Variants in CIART observed in about 807,000 individuals in gnomAD.
CIART encodes the protein circadian-associated transcriptional repressor.
Under a neutral mutation model 22.1 loss-of-function variants are expected in CIART, and 7 were observed. That is an observed-to-expected ratio of 0.32 (90% CI 0.18 to 0.59). The LOEUF (loss-of-function observed/expected upper bound fraction) is 0.59, where lower values mean the gene tolerates loss of function less well. Among genes scored for constraint, CIART ranks in the 20% least tolerant of loss-of-function variants. CIART has a pLI of 0.86. For missense variants in CIART, 440 were observed against 478.0 expected (o/e 0.92, Z 0.74); for synonymous variants, 163 against 174.6 (o/e 0.93, Z 0.53).
At position 150,286,651 on chromosome 1, in the gene CIART, C is replaced by T. The variant is rs782142862; in HGVS notation, c.855C>T (p.Gly285=). ...GTISFSHGPL[G]TGTGIGVILF... ...TCTCCTTTAGCCATGGTCCTTTAGG[C>T]ACTGGAACCGGCATTGGCGTCATTC... Residue 285 remains glycine, a synonymous_variant, in exon 5 of 5, where the codon GGC becomes GGT. Transcript: ENST00000290363. 1.9e-6 allele frequency: 3 copies of T among 1,613,988 alleles called. No individual in the cohort carries two copies. The highest frequency in any genetic ancestry group is 1.7e-6 in the Non-Finnish European group (2 of 1,179,856).
At chr1:150,286,046 T>C (rs2101893898) in intron 4 of CIART, among the ~76,000 whole-genome samples, 1 of 152,294 alleles carries the variant, frequency 6.6e-6, no homozygotes, top group African/African-American at 2.4e-5. Flanking sequence ...GAACTCAAGA[T>C]AGAATATTCG....
intron 4 of CIART, chr1:150,285,668 G>A (rs1014081510): frequency 6.6e-6 from 1 of 152,196 alleles, no homozygotes; most frequent in African/African-American, 2.4e-5. Context: ...GGTTATTATT[G>A]CTGTGACTAA....
At chr1:150,284,565 G>C (rs782299796) in intron 3 of CIART, 32 bp from the exon 4 acceptor site, 1 of 1,597,076 alleles carries the variant, frequency 6.3e-7, no homozygotes, top group East Asian at 2.2e-5. Context: ...CAATCCTGTT[G>C]CTGGTTTTTT....
chr1:150,286,496 C>G lies in CIART; in HGVS notation c.700C>G (p.Gln234Glu). The G allele has an allele frequency of 5.7e-6, 9 of 1,586,566 alleles. No homozygotes were observed. The highest frequency in any genetic ancestry group is 7.8e-6 in the Non-Finnish European group (9 of 1,155,200). The change falls in exon 5 of 5, where the codon CAG becomes GAG. Residue 234 changes from glutamine (Q) to glutamate (E), a missense_variant. Transcript: ENST00000290363. ...TGCATCTCCTATGGAAAAGATGGAC[C>G]AGACACAGCTAGGACATCTAGCTTT... ...SPASPMEKMD[Q>E]TQLGHLALKP...
In CIART at chr1:150,283,326, C is replaced by G. The variant is rs1653261911; in HGVS notation, c.59C>G (p.Pro20Arg). 6.5e-7 allele frequency: 1 copy of G among 1,547,630 alleles called. No homozygotes were observed. Residue 20 changes from proline (P) to arginine (R), a missense_variant, in exon 1 of 5, where the codon CCC becomes CGC. Coordinates refer to ENST00000290363, the MANE Select transcript of CIART (RefSeq NM_144697.4). ...TCCTACTCTCTCTCTTCGTCTTTTCCCACCTCCCCAGTGAACAGTGACTTT... is the reference window on the plus strand; with the variant it reads ...TCCTACTCTCTCTCTTCGTCTTTTCGCACCTCCCCAGTGAACAGTGACTTT... ...YSSYSLSSSF[P>R]TSPVNSDFGF...
intron 4 of CIART, chr1:150,285,523 C>T (rs1815302): frequency 0.17 from 20,382 of 119,946 alleles, 1,787 homozygotes; most frequent in Non-Finnish European, 0.21. Flanking sequence ...GAGACAAGAG[C>T]GAAACTCCAT....
In CIART at chr1:150,284,466, C is replaced by T; in HGVS notation, c.483C>T (p.Ile161=). ...AGCAGAGTGTGGCAATGGACAGGAT[C>T]CAGCGTATTGTAGGTGTTTTGCAGA... ...SFQQSVAMDR[I]QRIVGVLQKP... Residue 161 remains isoleucine, a synonymous_variant, in exon 3 of 5, where the codon ATC becomes ATT. Coordinates refer to ENST00000290363, the MANE Select transcript of CIART (RefSeq NM_144697.4). 1 of 1,613,122 alleles carries T rather than the reference C, an allele frequency of 6.2e-7. No homozygotes were observed. Among genetic ancestry groups the T allele is most frequent in the Non-Finnish European group, 8.5e-7 (1 of 1,179,064 alleles).
Position 150,286,756 on chromosome 1 carries a change from C to A in CIART, c.960C>A (p.Val320=), listed in dbSNP as rs1253204367. The A allele has an allele frequency of 6.2e-7, 1 of 1,612,878 alleles. No homozygotes were observed. The highest frequency in any genetic ancestry group is 8.5e-7 in the Non-Finnish European group (1 of 1,178,954). Residue 320 remains valine (V), a synonymous_variant, in exon 5 of 5, where the codon GTC becomes GTA. Coordinates refer to ENST00000290363, the MANE Select transcript of CIART (RefSeq NM_144697.4). ...TCCCACCTACTACAGCATCTCCTGTCATCCCTGGTGAGCCTATGAAACTAT... is the reference window on the plus strand; with the variant it reads ...TCCCACCTACTACAGCATCTCCTGTAATCCCTGGTGAGCCTATGAAACTAT... ...TPVPPTTASP[V]IPGEPMKLSG... is the part of the protein sequence containing the mutation.
At chr1:150,284,740 G>T in intron 4 of CIART, 32 bp downstream of exon 4, 1 of 1,504,224 alleles carries the variant, frequency 6.6e-7, no homozygotes, top group South Asian at 1.2e-5. Context: ...GAAGAGGTGG[G>T]AAAATAGCCA....
In CIART at chr1:150,283,890, T is replaced by C. The variant is rs587726852; in HGVS notation, c.442+10T>C. On this transcript the variant is annotated intron_variant, in intron 2 of 4. Coordinates refer to ENST00000290363, the MANE Select transcript of CIART (RefSeq NM_144697.4). ...GGTCGTTTTGAGAGAGGTAATCTTA[T>C]TGTTGCATTCATTTGGGCTAGGTTC... The C allele has an allele frequency of 4.1e-5, 64 of 1,545,864 alleles. No individual in the cohort carries two copies. The highest frequency in any genetic ancestry group is 3.5e-4 in the South Asian group (31 of 89,158).
At chr1:150,284,003 TTTATTATTATTATTATTA>T in intron 2 of CIART, 123 bp downstream of exon 2, 4 of 489,718 alleles carry the variant, frequency 8.2e-6, no homozygotes, top group Non-Finnish European at 1.4e-5. Context: ...CTACTATGAC[TTTATTATTATTATTATTA>T]TTATTATTAT....
At chr1:150,285,116 AACCCTT>A in intron 4 of CIART, 1 of 234,648 alleles carries the variant, frequency 4.3e-6, no homozygotes, top group Non-Finnish European at 8.4e-6. Flanking sequence ...CCTTGTGCCA[AACCCTT>A]TGACAGTTTT....
At chr1:150,284,005 T>TATTATG in intron 2 of CIART, 125 bp downstream of exon 2, 1 of 336,066 alleles carries the variant, frequency 3.0e-6, no homozygotes, top group East Asian at 6.3e-5. Flanking sequence ...ACTATGACTT[T>TATTATG]ATTATTATTA....
Position 150,286,698 on chromosome 1 carries a change from A to C in CIART, c.902A>C (p.Gln301Pro). 6.2e-7 allele frequency: 1 copy of C among 1,614,050 alleles called. No homozygotes were observed. The change falls in exon 5 of 5, where the codon CAA becomes CCA. Residue 301 changes from glutamine (Q) to proline (P), a missense_variant. By Grantham distance (76) the Gln-to-Pro change is moderately conservative. Transcript: ENST00000290363. The stretch of plus-strand genomic sequence containing the variant: ...ATTCTTTTCCTCCAGCATGGAGTGC[A>C]ACCCTTCACCCACTCTGCCCCAACC... ...GVILFLQHGV[Q>P]PFTHSAPTTP...
Position 150,283,355 on chromosome 1 carries a change from T to G in CIART, c.88T>G (p.Phe30Val), listed in dbSNP as rs1553853904. The change falls in exon 1 of 5, where the codon TTC becomes GTC. Residue 30 changes from phenylalanine to valine, a missense_variant. By Grantham distance (50) the Phe-to-Val change is conservative. Coordinates refer to ENST00000290363, the MANE Select transcript of CIART (RefSeq NM_144697.4). ...PTSPVNSDFGFPSDSEREDKG... is the reference protein window; with the variant it reads ...PTSPVNSDFGVPSDSEREDKG... ...CTCCCCAGTGAACAGTGACTTTGGCTTCCCCTCTGATAGTGAGAGGGAGGA... is the reference window on the plus strand; with the variant it reads ...CTCCCCAGTGAACAGTGACTTTGGCGTCCCCTCTGATAGTGAGAGGGAGGA... 1 of 1,583,132 alleles carries G rather than the reference T, an allele frequency of 6.3e-7. No homozygotes were observed. Among genetic ancestry groups the G allele is most frequent in the South Asian group, 1.1e-5 (1 of 87,152 alleles).
rs41273231 is a variant in CIART, at chr1:150,283,046, T to A, written c.-222T>A. The stretch of plus-strand genomic sequence containing the variant: ...CAGAGAGGGAATCCCAAGCTCTTAA[T>A]GGGCGGGGGTGGGGGTAGAAATGTC... On this transcript the variant is annotated 5_prime_UTR_variant, in exon 1 of 5. An upstream start codon of the reference 5' UTR is lost. Coordinates refer to ENST00000290363, the MANE Select transcript of CIART (RefSeq NM_144697.4). 365 of 242,172 alleles carry A rather than the reference T, an allele frequency of 1.5e-3. 3 individuals are homozygous for A. The highest frequency in any genetic ancestry group is 2.1e-3 in the Non-Finnish European group (322 of 151,828). 15.0% of individuals were successfully genotyped at this position (242,172 alleles called of 1,614,324 possible). A position where few individuals can be genotyped will look rare whatever the true frequency, so the allele number is the denominator to read the frequency against.
chr1:150,284,583 C>T lies in CIART; in HGVS notation c.522-14C>T, dbSNP rs781839112. 270 of 1,604,846 alleles carry T rather than the reference C, an allele frequency of 1.7e-4. 1 individual carries two copies. The Admixed American group carries it at 3.7e-3, about 22-fold the overall frequency. On this transcript the variant is annotated splice_polypyrimidine_tract_variant and intron_variant, in intron 3 of 4. Transcript: ENST00000290363. Reference sequence around the variant, plus strand: ...TCCTGTTGCTGGTTTTTTAAAGCAACGTCATTTTCACAGGGAACGTTACCT... The same window carrying T: ...TCCTGTTGCTGGTTTTTTAAAGCAATGTCATTTTCACAGGGAACGTTACCT...
In CIART at chr1:150,283,448, C is replaced by T. The variant is rs1439159161; in HGVS notation, c.181C>T (p.Pro61Ser). 6 of 1,614,090 alleles carry T rather than the reference C, an allele frequency of 3.7e-6. No individual in the cohort carries two copies. The highest frequency in any genetic ancestry group is 5.1e-6 in the Non-Finnish European group (6 of 1,180,052). ...GGGAGGTTCACGGCCCAGCCCGGGTCCTATCCGCTGCAGGCATCGATCGAA... is the reference window on the plus strand; with the variant it reads ...GGGAGGTTCACGGCCCAGCCCGGGTTCTATCCGCTGCAGGCATCGATCGAA... The part of the protein sequence containing the change: ...QRGGSRPSPG[P>S]IRCRHRSKVS... Residue 61 changes from proline to serine, a missense_variant, in exon 1 of 5, where the codon CCT (proline) becomes TCT (serine). Pro to Ser is a moderately conservative substitution (Grantham distance 74). Coordinates refer to ENST00000290363, the MANE Select transcript of CIART (RefSeq NM_144697.4).
In CIART at chr1:150,283,434, G is replaced by C; in HGVS notation, c.167G>C (p.Arg56Pro). 1 of 1,614,198 alleles carries C rather than the reference G, an allele frequency of 6.2e-7. No homozygotes were observed. Among genetic ancestry groups the C allele is most frequent in the Non-Finnish European group, 8.5e-7 (1 of 1,180,032 alleles). ...PDTVGQRGGS[R>P]PSPGPIRCRH... is the part of the protein sequence containing the mutation. ...ACTGTTGGGCAGAGGGGAGGTTCAC[G>C]GCCCAGCCCGGGTCCTATCCGCTGC... The change falls in exon 1 of 5, where the codon CGG becomes CCG. Residue 56 changes from arginine (R) to proline (P), a missense_variant. Physicochemically the swap from Arg to Pro is moderately radical, Grantham distance 103 (BLOSUM62 -2). Transcript: ENST00000290363.
Sources: gnomAD v4.1 joint callset for allele counts (sites outside exome capture counted in the v4.1 genomes callset) on GRCh38, gnomAD v4.1.1 for gene constraint, MANE v1.5 for transcripts, NCBI Gene and HGNC (gene_info 2026-07-23, HGNC 2026-07-21) for gene names.